IKZF1: variants seen among roughly 807,000 people sequenced by gnomAD.
IKZF1 encodes DNA-binding protein Ikaros.
Under a neutral mutation model 51.7 loss-of-function variants are expected in IKZF1, and 10 were observed. The observed-to-expected ratio is 0.19, with a 90% CI of 0.12 to 0.33. The LOEUF (loss-of-function observed/expected upper bound fraction) is 0.33, where lower values mean the gene tolerates loss of function less well. IKZF1 is among the 10% of genes least tolerant of loss of function. The pLI is 1.00. For synonymous variants in IKZF1, 280 were observed against 282.3 expected (o/e 0.99, Z 0.08); for missense variants, 484 against 707.5 (o/e 0.68, Z 3.58).
intron 3 of IKZF1, among the ~76,000 whole-genome samples, chr7:50,339,140 T>G (rs1242331772): frequency 1.3e-5 from 2 of 151,894 alleles, no homozygotes; most frequent in African/African-American, 4.8e-5. Context: ...CACCACTAGC[T>G]TAAATACACT....
Position 50,361,088 on chromosome 7 carries a change from G to T in IKZF1, c.161-15445G>T, listed in dbSNP as rs140935300. 2.0e-3 allele frequency among the ~76,000 whole-genome samples: 298 copies of T among 152,212 alleles called. 1 individual carries two copies. The highest frequency in any genetic ancestry group is 0.01 in the Middle Eastern group (3 of 294). On this transcript the variant is annotated intron_variant, in intron 3 of 7. Transcript: ENST00000331340. ...ACCTCACACTCTTCACCCCTGCCACGATCCCTGACAAGAGCCTTCCTATCT... is the reference window on the plus strand; with the variant it reads ...ACCTCACACTCTTCACCCCTGCCACTATCCCTGACAAGAGCCTTCCTATCT...
intron 3 of IKZF1, among the ~76,000 whole-genome samples, chr7:50,345,543 G>A (rs766431825): frequency 1.3e-5 from 2 of 152,200 alleles, no homozygotes; most frequent in African/African-American, 2.4e-5. Context: ...CGTCTTTGGA[G>A]AATCAGCTAA....
chr7:50,337,712 A>G (rs1363168450), intron 3 of IKZF1, among the ~76,000 whole-genome samples: 1 of 152,200 alleles, frequency 6.6e-6, no homozygotes, highest in Non-Finnish European at 1.5e-5. Context: ...GAGAACTTTC[A>G]AAGTGAGAGG....
At chr7:50,365,142 TC>T (rs1215739326) in intron 3 of IKZF1, among the ~76,000 whole-genome samples, 1 of 152,180 alleles carries the variant, frequency 6.6e-6, no homozygotes, top group Non-Finnish European at 1.5e-5. Flanking sequence ...TCCACAGAGC[TC>T]CCAGTGATTG....
At chr7:50,377,839 T>G (rs1223270624) in intron 4 of IKZF1, among the ~76,000 whole-genome samples, 2 of 152,216 alleles carry the variant, frequency 1.3e-5, no homozygotes, top group Non-Finnish European at 2.9e-5. Flanking sequence ...ACGTGAAACA[T>G]AGAGACCCTA....
At chr7:50,383,844 C>G (rs1038331354) in intron 5 of IKZF1, among the ~76,000 whole-genome samples, 1 of 152,250 alleles carries the variant, frequency 6.6e-6, no homozygotes, top group Non-Finnish European at 1.5e-5. Flanking sequence ...ATATCTGCAG[C>G]GGCCCAGGCC....
chr7:50,319,221 A>G, intron 2 of IKZF1, 120 bp downstream of exon 2: 1 of 701,902 alleles, frequency 1.4e-6, no homozygotes, highest in South Asian at 2.0e-5. Flanking sequence ...AAAAGAAAAG[A>G]CCATGATGGA....
intron 1 of IKZF1, 77 bp from the exon 2 acceptor site, chr7:50,318,971 G>T (rs1363959305): frequency 2.2e-6 from 2 of 897,014 alleles, no homozygotes; most frequent in Non-Finnish European, 3.7e-6. Context: ...TAGCATAGGG[G>T]TTCTTTATCT....
Position 50,376,073 on chromosome 7 carries a change from T to A in IKZF1, c.161-460T>A, listed in dbSNP as rs1303895513. Among the ~76,000 whole-genome samples the A allele has an allele frequency of 1.3e-5, 2 of 152,186 alleles. No homozygotes were observed. The highest frequency in any genetic ancestry group is 4.8e-5 in the African/African-American group (2 of 41,426). ...GACGTTTTTCAGGCTTGATAACCAC[T>A]TATTAGGTATTTTGCCAAACAAGTT... On this transcript the variant is annotated intron_variant, in intron 3 of 7. Transcript: ENST00000331340. The surrounding 1 kb of genome is among the most constrained non-coding windows in gnomAD (Gnocchi z 4.5).
intron 3 of IKZF1, chr7:50,369,234 T>C (rs929891307): frequency 4.3e-5 from 14 of 326,470 alleles, no homozygotes; most frequent in African/African-American, 3.0e-4. Flanking sequence ...AAGAATCATA[T>C]TGTTGAAGTA....
intron 4 of IKZF1, chr7:50,377,435 G>A (rs1012055017): frequency 2.0e-5 from 3 of 153,018 alleles, no homozygotes; most frequent in Admixed American, 6.5e-5. Flanking sequence ...AGGTTTACTG[G>A]AAGTATAAGA....
chr7:50,399,915 C>A lies in IKZF1; in HGVS notation c.851-3C>A, dbSNP rs1562909461. 6.2e-7 allele frequency: 1 copy of A among 1,608,532 alleles called. No homozygotes were observed. The stretch of plus-strand genomic sequence containing the variant: ...CCCACTCACTGTCGCCTGCTTTCCA[C>A]AGGGGACAAGGGCCTGTCCGACACG... On this transcript the variant is annotated splice_polypyrimidine_tract_variant and splice_region_variant and intron_variant, in intron 7 of 7. Transcript: ENST00000331340.
At chr7:50,310,625 T>C (rs1048201959) in intron 1 of IKZF1, among the ~76,000 whole-genome samples, 2 of 152,192 alleles carry the variant, frequency 1.3e-5, no homozygotes, top group Non-Finnish European at 2.9e-5. Flanking sequence ...CCTTACGATG[T>C]GATGAATGGT....
intron 4 of IKZF1, among the ~76,000 whole-genome samples, 200 bp from the exon 5 acceptor site, chr7:50,382,340 A>C (rs1400885914): frequency 6.6e-6 from 1 of 152,208 alleles, no homozygotes; most frequent in Non-Finnish European, 1.5e-5. Flanking sequence ...TAGGGAAAAA[A>C]AATTAGATTT....
intron 1 of IKZF1, among the ~76,000 whole-genome samples, chr7:50,310,187 T>C (rs1360538047): frequency 6.6e-6 from 1 of 152,260 alleles, no homozygotes; most frequent in African/African-American, 2.4e-5. Context: ...TTTTGCAGTA[T>C]GAGTGTTTTC....
intron 3 of IKZF1, among the ~76,000 whole-genome samples, chr7:50,350,493 G>A (rs966207688): frequency 1.8e-4 from 28 of 152,182 alleles, no homozygotes; most frequent in African/African-American, 6.5e-4. Flanking sequence ...TTGAAAGAGA[G>A]TTTGCTGCAG....
intron 3 of IKZF1, among the ~76,000 whole-genome samples, chr7:50,375,474 A>G (rs544960909): frequency 3.3e-5 from 5 of 152,326 alleles, no homozygotes; most frequent in African/African-American, 1.2e-4. Context: ...AATGGTTATT[A>G]AAATGGTGGC....
At chr7:50,343,628 G>A (rs1218080280) in intron 3 of IKZF1, among the ~76,000 whole-genome samples, 2 of 152,220 alleles carry the variant, frequency 1.3e-5, no homozygotes, top group Non-Finnish European at 2.9e-5. Flanking sequence ...GACACGCTGT[G>A]GTTACAATGT....
At chr7:50,395,620 GTAGTT>G (rs1816494422) in intron 7 of IKZF1, among the ~76,000 whole-genome samples, 1 of 152,070 alleles carries the variant, frequency 6.6e-6, no homozygotes, top group African/African-American at 2.4e-5. Flanking sequence ...ATAATTCATA[GTAGTT>G]TAGTTATTTA....
Sources: gnomAD v4.1 joint callset for allele counts (sites outside exome capture counted in the v4.1 genomes callset) on GRCh38, gnomAD v4.1.1 for gene constraint, Gnocchi (gnomAD v3.1) non-coding constraint, MANE v1.5 for transcripts, NCBI Gene and HGNC (gene_info 2026-07-23, HGNC 2026-07-21) for gene names.